SLC9A9: variants seen among roughly 807,000 people sequenced by gnomAD.
The protein encoded by SLC9A9 is sodium/hydrogen exchanger 9.
In SLC9A9, 62 loss-of-function variants were observed where a neutral mutation model predicts 77.8. The ratio of observed to expected loss-of-function variants is 0.80; its 90% CI spans 0.65 to 0.98. The LOEUF is 0.98. SLC9A9 is among the 50% of genes least tolerant of loss of function. The pLI, the probability that SLC9A9 is intolerant of heterozygous loss-of-function variation, is 0.00. For synonymous variants in SLC9A9, 320 were observed against 283.5 expected (o/e 1.13, Z -1.29); for missense variants, 775 against 774.9 (o/e 1.00, Z 0.00).
At chr3:143,509,489 C>T (rs2036079208) in intron 9 of SLC9A9, among the ~76,000 whole-genome samples, 1 of 152,142 alleles carries the variant, frequency 6.6e-6, no homozygotes, top group South Asian at 2.1e-4. Flanking sequence ...GTTGAAGCTA[C>T]TGCACGCCCT....
chr3:143,791,836 A>T (rs1044448315), intron 4 of SLC9A9, among the ~76,000 whole-genome samples: 60 of 152,318 alleles, frequency 3.9e-4, no homozygotes, highest in African/African-American at 1.4e-3. Context: ...TTCCTTTTGG[A>T]TGGACTTCCC....
chr3:143,359,877 G>A (rs2032696293), intron 14 of SLC9A9, among the ~76,000 whole-genome samples: 1 of 152,164 alleles, frequency 6.6e-6, no homozygotes, highest in African/African-American at 2.4e-5. Flanking sequence ...TTCCTTCATG[G>A]TGGTGCTTTC....
At chr3:143,305,787 G>A (rs960273981) in intron 14 of SLC9A9, among the ~76,000 whole-genome samples, 3 of 152,122 alleles carry the variant, frequency 2.0e-5, no homozygotes, top group Admixed American at 2.0e-4. Context: ...GATAACAAGG[G>A]GTGTGTCTTT....
intron 1 of SLC9A9, among the ~76,000 whole-genome samples, chr3:143,836,320 G>T (rs1437372290): frequency 6.6e-6 from 1 of 152,130 alleles, no homozygotes; most frequent in African/African-American, 2.4e-5. Flanking sequence ...GACTGTTTAG[G>T]GCAGAGGCTC....
chr3:143,599,642 G>A (rs1045368488), intron 6 of SLC9A9, among the ~76,000 whole-genome samples: 3 of 151,092 alleles, frequency 2.0e-5, no homozygotes, highest in African/African-American at 7.3e-5. Context: ...TGGCGCTACT[G>A]GCTGACCACC....
intron 6 of SLC9A9, among the ~76,000 whole-genome samples, chr3:143,644,252 C>T (rs1487994155): frequency 2.0e-5 from 3 of 152,182 alleles, no homozygotes; most frequent in Non-Finnish European, 4.4e-5. Flanking sequence ...GACTTATATA[C>T]CAATAAATTA....
At chr3:143,828,029 A>C (rs1218340184) in intron 2 of SLC9A9, among the ~76,000 whole-genome samples, 3 of 152,150 alleles carry the variant, frequency 2.0e-5, no homozygotes, top group Non-Finnish European at 4.4e-5. Context: ...GGCCTCTCAG[A>C]GAGCCTGTCC....
chr3:143,578,933 T>C (rs1361875984), intron 6 of SLC9A9, among the ~76,000 whole-genome samples: 1 of 152,184 alleles, frequency 6.6e-6, no homozygotes, highest in Non-Finnish European at 1.5e-5. Context: ...ATCTATATAT[T>C]GCTGCCAGTC....
Position 143,287,524 on chromosome 3 carries a change from T to C in SLC9A9, c.1605-18544A>G, listed in dbSNP as rs75148306. ...TGTATGATTCACAGGTTACTGAAGCTGAAAGAACCTGGAGCAGATCGTCCA... is the reference window on the plus strand; with the variant it reads ...TGTATGATTCACAGGTTACTGAAGCCGAAAGAACCTGGAGCAGATCGTCCA... On this transcript the variant is annotated intron_variant, in intron 14 of 15. Coordinates refer to ENST00000316549, the MANE Select transcript of SLC9A9 (RefSeq NM_173653.4). Among the ~76,000 whole-genome samples, 987 of 152,276 alleles carry C rather than the reference T, an allele frequency of 6.5e-3. 12 individuals are homozygous for C. Among genetic ancestry groups the C allele is most frequent in the African/African-American group, 0.022 (923 of 41,544 alleles).
intron 2 of SLC9A9, among the ~76,000 whole-genome samples, chr3:143,831,719 G>A (rs372685487): frequency 1.3e-5 from 2 of 152,194 alleles, no homozygotes; most frequent in South Asian, 2.1e-4. Flanking sequence ...CAAGTATCAG[G>A]AAAGGCAGAG....
At chr3:143,708,524 A>G (rs1260956323) in intron 4 of SLC9A9, among the ~76,000 whole-genome samples, 1 of 152,182 alleles carries the variant, frequency 6.6e-6, no homozygotes, top group Non-Finnish European at 1.5e-5. Flanking sequence ...ACTATGTTTA[A>G]TACTCACTGG....
intron 2 of SLC9A9, among the ~76,000 whole-genome samples, chr3:143,803,787 G>A (rs149196826): frequency 0.021 from 3,237 of 151,810 alleles, 121 homozygotes; most frequent in African/African-American, 0.074. Flanking sequence ...TTCTTCCAGC[G>A]CCTACACAGC....
intron 4 of SLC9A9, among the ~76,000 whole-genome samples, chr3:143,770,864 T>C (rs573992612): frequency 1.3e-5 from 2 of 151,864 alleles, no homozygotes; most frequent in South Asian, 2.1e-4. Flanking sequence ...ACAAAAGATA[T>C]GGAAAAGGCC....
chr3:143,522,737 G>A (rs2036322159), intron 9 of SLC9A9, among the ~76,000 whole-genome samples: 1 of 152,036 alleles, frequency 6.6e-6, no homozygotes, highest in Admixed American at 6.6e-5. Context: ...CTTAACATCA[G>A]CCCTTGTATC....
intron 9 of SLC9A9, among the ~76,000 whole-genome samples, chr3:143,541,866 T>C (rs1036508312): frequency 3.9e-5 from 6 of 152,240 alleles, no homozygotes; most frequent in African/African-American, 1.4e-4. Context: ...TGAGAAGTTA[T>C]AGTCCAACTA....
At chr3:143,586,677 G>T (rs989881959) in intron 6 of SLC9A9, among the ~76,000 whole-genome samples, 1 of 152,204 alleles carries the variant, frequency 6.6e-6, no homozygotes, top group African/African-American at 2.4e-5. Context: ...GCCAAGAATT[G>T]TGTGTACACA....
chr3:143,274,315 T>C (rs1265368748), intron 14 of SLC9A9, among the ~76,000 whole-genome samples: 1 of 152,220 alleles, frequency 6.6e-6, no homozygotes, highest in Non-Finnish European at 1.5e-5. Flanking sequence ...TCCATATGTC[T>C]TATTTTCTCT....
chr3:143,402,445 GTGT>G lies in SLC9A9; in HGVS notation c.1470-20334_1470-20332del, dbSNP rs1486298089. 6.8e-5 allele frequency among the ~76,000 whole-genome samples: 6 copies of G among 88,298 alleles called. No individual in the cohort carries two copies. In the East Asian group the frequency reaches 1.8e-3, roughly 27 times the overall value. 57.9% of individuals were successfully genotyped at this position (88,298 alleles called of 152,430 possible). On this transcript the variant is annotated intron_variant, in intron 12 of 15. Transcript: ENST00000316549. The stretch of plus-strand genomic sequence containing the variant: ...CTCTAGCAATTTACTTAGCACCTTT[GTGT>G]TTTTTTTTTTTTTTTTTTGTAGAAC...
chr3:143,510,574 A>AT (rs1479129444), intron 9 of SLC9A9, among the ~76,000 whole-genome samples: 1 of 152,096 alleles, frequency 6.6e-6, no homozygotes, highest in Non-Finnish European at 1.5e-5. Flanking sequence ...TTCAAATTTA[A>AT]TTTTTTCATC....
Sources: gnomAD v4.1 joint callset for allele counts (sites outside exome capture counted in the v4.1 genomes callset) on GRCh38, gnomAD v4.1.1 for gene constraint, MANE v1.5 for transcripts, NCBI Gene and HGNC (gene_info 2026-07-23, HGNC 2026-07-21) for gene names.